The following NAALADL2 variants were observed in gnomAD, a reference collection of about 807,000 sequenced individuals.
The protein encoded by NAALADL2 is N-acetylated alpha-linked acidic dipeptidase like 2, also known as inactive N-acetylated-alpha-linked acidic dipeptidase-like protein 2.
Under a neutral mutation model 87.2 loss-of-function variants are expected in NAALADL2, and 76 were observed. That is an observed-to-expected ratio of 0.87 (90% CI 0.72 to 1.05). The LOEUF (loss-of-function observed/expected upper bound fraction) is 1.05, where lower values mean the gene tolerates loss of function less well. Among genes scored for constraint, NAALADL2 ranks in the 50% least tolerant of loss-of-function variants. NAALADL2 has a pLI of 0.00. For missense variants in NAALADL2, 1,089 were observed against 945.8 expected (o/e 1.15, Z -1.99); for synonymous variants, 354 against 331.0 (o/e 1.07, Z -0.75).
intron 3 of NAALADL2, among the ~76,000 whole-genome samples, chr3:175,242,855 T>G (rs901028424): frequency 1.3e-5 from 2 of 152,200 alleles, no homozygotes; most frequent in African/African-American, 4.8e-5. Context: ...TTGATACTGC[T>G]ATAAAAACTA....
At chr3:175,231,094 A>C (rs1261794278) in intron 2 of NAALADL2, among the ~76,000 whole-genome samples, 1 of 152,030 alleles carries the variant, frequency 6.6e-6, no homozygotes, top group African/African-American at 2.4e-5. Flanking sequence ...TGAAAACCAT[A>C]TATAAGATAC....
intron 1 of NAALADL2, among the ~76,000 whole-genome samples, chr3:174,506,938 A>G (rs1719242415): frequency 6.6e-6 from 1 of 151,976 alleles, no homozygotes; most frequent in Non-Finnish European, 1.5e-5. Context: ...AAGGATATTA[A>G]TAATTTGTCT....
intron 3 of NAALADL2, among the ~76,000 whole-genome samples, chr3:174,743,054 C>T (rs907704188): frequency 6.6e-6 from 1 of 151,732 alleles, no homozygotes; most frequent in Admixed American, 6.6e-5. Flanking sequence ...TCTCATCAAG[C>T]CCACATTCAC....
intron 11 of NAALADL2, among the ~76,000 whole-genome samples, chr3:175,689,465 AT>A (rs1736752909): frequency 6.6e-6 from 1 of 152,200 alleles, no homozygotes; most frequent in Non-Finnish European, 1.5e-5. Context: ...TTGGCAAATA[AT>A]TCCTATAATT....
intron 9 of NAALADL2, among the ~76,000 whole-genome samples, chr3:175,567,249 A>G (rs1011654006): frequency 2.6e-5 from 4 of 152,132 alleles, no homozygotes; most frequent in South Asian, 2.1e-4. Context: ...TCTTGTGACT[A>G]TTGGTGAGGG....
chr3:174,519,491 C>A (rs1447761167), intron 1 of NAALADL2, among the ~76,000 whole-genome samples: 2 of 151,792 alleles, frequency 1.3e-5, no homozygotes, highest in Non-Finnish European at 2.9e-5. Flanking sequence ...GACACCACAC[C>A]CAGCTAATTT....
chr3:174,771,468 G>A (rs1714546874), intron 3 of NAALADL2, among the ~76,000 whole-genome samples: 1 of 152,158 alleles, frequency 6.6e-6, no homozygotes, highest in South Asian at 2.1e-4. Context: ...GTAATGTGCT[G>A]AGGTACAAAG....
At chr3:175,269,092 C>T (rs1486356657) in intron 4 of NAALADL2, among the ~76,000 whole-genome samples, 2 of 151,574 alleles carry the variant, frequency 1.3e-5, no homozygotes, top group Admixed American at 6.6e-5. Flanking sequence ...ATGTGTGCCA[C>T]CATGCCTGAC....
intron 2 of NAALADL2, among the ~76,000 whole-genome samples, chr3:175,132,129 C>G (rs868658421): frequency 6.3e-5 from 6 of 95,130 alleles, no homozygotes; most frequent in Admixed American, 9.8e-5. Flanking sequence ...GCTGGCCGGG[C>G]GGGGGGCTGA....
At chr3:175,327,776 C>G (rs1760916852) in intron 5 of NAALADL2, among the ~76,000 whole-genome samples, 1 of 152,122 alleles carries the variant, frequency 6.6e-6, no homozygotes, top group African/African-American at 2.4e-5. Context: ...TATGTAGTTC[C>G]TTTTCCTCTG....
chr3:175,473,525 TTA>T (rs916133805), intron 9 of NAALADL2, among the ~76,000 whole-genome samples: 15 of 151,816 alleles, frequency 9.9e-5, no homozygotes, highest in African/African-American at 3.1e-4. Flanking sequence ...TGGGGATTAC[TTA>T]TATATATATG....
At chr3:175,750,506 A>T (rs1486901823) in intron 12 of NAALADL2, among the ~76,000 whole-genome samples, 2 of 152,174 alleles carry the variant, frequency 1.3e-5, no homozygotes, top group Non-Finnish European at 2.9e-5. Flanking sequence ...CAAGCCAGAA[A>T]AATGGGAGGA....
At chr3:175,491,004 A>G (rs1488974175) in intron 9 of NAALADL2, among the ~76,000 whole-genome samples, 2 of 152,082 alleles carry the variant, frequency 1.3e-5, no homozygotes, top group African/African-American at 4.8e-5. Context: ...GAACAATTGA[A>G]CACAAGGATG....
intron 3 of NAALADL2, among the ~76,000 whole-genome samples, chr3:174,788,535 C>A (rs1223054679): frequency 6.6e-6 from 1 of 152,110 alleles, no homozygotes; most frequent in East Asian, 1.9e-4. Flanking sequence ...ATGGTCTTCC[C>A]TCTGTTTGTG....
intron 11 of NAALADL2, among the ~76,000 whole-genome samples, chr3:175,712,435 A>C (rs1245606985): frequency 1.3e-5 from 2 of 152,080 alleles, no homozygotes; most frequent in East Asian, 3.9e-4. Flanking sequence ...GGAATGAGAC[A>C]AGAAGGTAAA....
At chr3:174,852,562 G>T (rs1318134916) in intron 3 of NAALADL2, among the ~76,000 whole-genome samples, 1 of 152,058 alleles carries the variant, frequency 6.6e-6, no homozygotes, top group Non-Finnish European at 1.5e-5. Context: ...AGAAATTGAA[G>T]AGGACACAAA....
At chr3:175,099,935 A>G (rs1325047505) in intron 2 of NAALADL2, among the ~76,000 whole-genome samples, 1 of 151,760 alleles carries the variant, frequency 6.6e-6, no homozygotes, top group Non-Finnish European at 1.5e-5. Flanking sequence ...TGTTTAATTC[A>G]TCAATTATAT....
intron 4 of NAALADL2, among the ~76,000 whole-genome samples, chr3:175,287,628 T>A (rs1755146154): frequency 6.6e-6 from 1 of 152,216 alleles, no homozygotes; most frequent in African/African-American, 2.4e-5. Flanking sequence ...CACGATGCTA[T>A]GCTTTTTCCA....
intron 8 of NAALADL2, 59 bp downstream of exon 8, chr3:175,467,243 C>A: frequency 6.9e-7 from 1 of 1,451,828 alleles, no homozygotes; most frequent in Non-Finnish European, 9.4e-7. Flanking sequence ...CTAAAGTAGA[C>A]AAAGTAAAAT....
Sources: gnomAD v4.1 joint callset for allele counts (sites outside exome capture counted in the v4.1 genomes callset) on GRCh38, gnomAD v4.1.1 for gene constraint, MANE v1.5 for transcripts, NCBI Gene and HGNC (gene_info 2026-07-23, HGNC 2026-07-21) for gene names.